Variants in CLCA4 observed in about 807,000 individuals in gnomAD.
The protein encoded by CLCA4 is calcium-activated chloride channel regulator 4.
Under a neutral mutation model 78.9 loss-of-function variants are expected in CLCA4, and 69 were observed. That is an observed-to-expected ratio of 0.87 (90% CI 0.72 to 1.07). CLCA4 has a LOEUF of 1.07. Among genes scored for constraint, CLCA4 ranks in the 50% least tolerant of loss-of-function variants. The pLI, the probability that CLCA4 is intolerant of heterozygous loss-of-function variation, is 0.00. For synonymous variants in CLCA4, 362 were observed against 375.8 expected (o/e 0.96, Z 0.42); for missense variants, 1,133 against 1,095.8 (o/e 1.03, Z -0.48).
intron 10 of CLCA4, 92 bp downstream of exon 10, chr1:86,574,847 A>G: frequency 1.1e-6 from 1 of 903,500 alleles, no homozygotes; most frequent in Admixed American, 2.2e-5. Flanking sequence ...CAAAGGCTGT[A>G]TCAACTTTAA....
At chr1:86,563,078 A>T (rs1439986445) in intron 3 of CLCA4, among the ~76,000 whole-genome samples, 1 of 151,840 alleles carries the variant, frequency 6.6e-6, no homozygotes, top group Admixed American at 6.6e-5. Flanking sequence ...TCCTTCTTTC[A>T]GCATCTCAAG....
chr1:86,562,241 C>T (rs920282276), intron 3 of CLCA4, among the ~76,000 whole-genome samples: 12 of 152,176 alleles, frequency 7.9e-5, no homozygotes, highest in Non-Finnish European at 1.2e-4. Flanking sequence ...AACCTGAGAA[C>T]GAATCAAGTC....
Position 86,565,795 on chromosome 1 carries a change from C to A in CLCA4, c.736-7C>A. 2 of 1,472,848 alleles carry A rather than the reference C, an allele frequency of 1.4e-6. No individual in the cohort carries two copies. Among genetic ancestry groups the A allele is most frequent in the South Asian group, 1.4e-5 (1 of 70,010 alleles). The allele number at this position is 1,472,848 out of a possible 1,614,324, so 91.2% of individuals were successfully genotyped here. ...TAAAATTATTTTTTATTTTATTAAC[C>A]TTTTAGGTTGTTGAATTTTGTAACG... On this transcript the variant is annotated splice_polypyrimidine_tract_variant and splice_region_variant and intron_variant, in intron 5 of 13. Transcript: ENST00000370563.
intron 1 of CLCA4, among the ~76,000 whole-genome samples, chr1:86,547,924 T>G (rs1649547039): frequency 6.6e-6 from 1 of 152,208 alleles, no homozygotes; most frequent in African/African-American, 2.4e-5. Context: ...ACAATAAACA[T>G]GGAAGTGCAG....
chr1:86,554,180 G>T (rs1280568246), intron 1 of CLCA4, among the ~76,000 whole-genome samples: 3 of 151,998 alleles, frequency 2.0e-5, no homozygotes, highest in African/African-American at 7.3e-5. Context: ...AGTGTCTCTT[G>T]TTCTCTTCTT....
chr1:86,576,022 G>A (rs1437177526), intron 11 of CLCA4, among the ~76,000 whole-genome samples: 1 of 152,062 alleles, frequency 6.6e-6, no homozygotes, highest in Non-Finnish European at 1.5e-5. Context: ...AACCTGGGAG[G>A]TGGAGGTTGC....
chr1:86,563,877 A>T, intron 4 of CLCA4, 108 bp downstream of exon 4: 2 of 539,224 alleles, frequency 3.7e-6, no homozygotes, highest in Non-Finnish European at 3.2e-6. Flanking sequence ...ATGTCACAAA[A>T]CAATGCTTTT....
intron 7 of CLCA4, among the ~76,000 whole-genome samples, chr1:86,569,864 T>C (rs1650296330): frequency 6.6e-6 from 1 of 151,954 alleles, no homozygotes; most frequent in Admixed American, 6.6e-5. Context: ...CCCAGCACGG[T>C]GACTGGCACA....
chr1:86,576,827 T>C (rs896621405), intron 11 of CLCA4, among the ~76,000 whole-genome samples: 5 of 152,032 alleles, frequency 3.3e-5, no homozygotes, highest in Non-Finnish European at 7.4e-5. Flanking sequence ...TTGGCCATTA[T>C]CTGTCTCCCT....
In CLCA4 at chr1:86,559,925, A is replaced by T; in HGVS notation, c.160-7A>T. 6.3e-7 allele frequency: 1 copy of T among 1,582,476 alleles called. No homozygotes were observed. Among genetic ancestry groups the T allele is most frequent in the Admixed American group, 2.0e-5 (1 of 50,036 alleles). ...CCATCCTCACATATTTTTTCCTTTA[A>T]TGACAGGATATGGTGACTACAGCTT... On this transcript the variant is annotated splice_polypyrimidine_tract_variant and splice_region_variant and intron_variant, in intron 1 of 13. Coordinates refer to ENST00000370563, the MANE Select transcript of CLCA4 (RefSeq NM_012128.4).
At chr1:86,558,162 C>A (rs1053590367) in intron 1 of CLCA4, among the ~76,000 whole-genome samples, 3 of 152,060 alleles carry the variant, frequency 2.0e-5, no homozygotes, top group African/African-American at 7.2e-5. Context: ...CACTCTGTGC[C>A]TTTTAAGTGG....
intron 10 of CLCA4, 125 bp downstream of exon 10, chr1:86,574,880 C>G: frequency 1.5e-6 from 1 of 688,966 alleles, no homozygotes; most frequent in Admixed American, 2.8e-5. Context: ...ATAGTATGTA[C>G]TTTCCATGCC....
At chr1:86,575,137 G>A (rs72955630) in intron 10 of CLCA4, among the ~76,000 whole-genome samples, 195 bp from the exon 11 acceptor site, 57 of 152,090 alleles carry the variant, frequency 3.7e-4, no homozygotes, top group African/African-American at 1.2e-3. Context: ...GAGATGTAGC[G>A]AAGTGTACAC....
chr1:86,552,094 T>C (rs1649681902), intron 1 of CLCA4, among the ~76,000 whole-genome samples: 1 of 152,120 alleles, frequency 6.6e-6, no homozygotes, highest in Non-Finnish European at 1.5e-5. Flanking sequence ...ACACACCAAC[T>C]ACAATTGTTC....
At chr1:86,579,066 G>C (rs893481594) in intron 12 of CLCA4, among the ~76,000 whole-genome samples, 20 of 151,936 alleles carry the variant, frequency 1.3e-4, no homozygotes, top group African/African-American at 4.8e-4. Context: ...AATTCAAGAG[G>C]TAAAGCAATT....
In CLCA4 at chr1:86,565,380, G is replaced by A. The variant is rs371872484; in HGVS notation, c.664G>A (p.Asp222Asn). The stretch of plus-strand genomic sequence containing the variant: ...TTCTACAACAAAACTGTATGGAAAA[G>A]ATTGTCAATTCTTTCCTGATAAAGT... The part of the protein sequence containing the change: ...IDSTTKLYGK[D>N]CQFFPDKVQT... The change falls in exon 5 of 14, where the codon GAT becomes AAT. Residue 222 changes from aspartate to asparagine, a missense_variant. Transcript: ENST00000370563. 7.3e-5 allele frequency: 118 copies of A among 1,608,604 alleles called. 1 individual carries two copies. The highest frequency in any genetic ancestry group is 9.8e-5 in the Non-Finnish European group (115 of 1,175,876).
intron 3 of CLCA4, among the ~76,000 whole-genome samples, chr1:86,562,414 A>G (rs1219505434): frequency 6.6e-6 from 1 of 152,186 alleles, no homozygotes; most frequent in African/African-American, 2.4e-5. Flanking sequence ...TGCATTATGT[A>G]GAAGAGTAAC....
rs750688779 is a variant in CLCA4 at position 86,565,384 on chromosome 1, G to T, written c.668G>T (p.Cys223Phe). ...ACAACAAAACTGTATGGAAAAGATT[G>T]TCAATTCTTTCCTGATAAAGTACAA... ...DSTTKLYGKD[C>F]QFFPDKVQTE... The change falls in exon 5 of 14, where the codon TGT becomes TTT. Residue 223 changes from cysteine (C) to phenylalanine (F), a missense_variant. Physicochemically the swap from Cys to Phe is radical, Grantham distance 205. Coordinates refer to ENST00000370563, the MANE Select transcript of CLCA4 (RefSeq NM_012128.4). 1 of 1,608,870 alleles carries T rather than the reference G, an allele frequency of 6.2e-7. No homozygotes were observed. The highest frequency in any genetic ancestry group is 1.1e-5 in the South Asian group (1 of 90,728).
In CLCA4 at chr1:86,577,978, A is replaced by T. The variant is rs374040263; in HGVS notation, c.2028A>T (p.Leu676Phe). The T allele has an allele frequency of 1.2e-6, 2 of 1,612,778 alleles. No individual in the cohort carries two copies. Among genetic ancestry groups the T allele is most frequent in the African/African-American group, 2.7e-5 (2 of 74,848 alleles). ...ATACAGAAAATGGCAGATATAGCTT[A>T]AAAGTTCGGGCTCATGGAGGAGCAA... ...TAYTENGRYS[L>F]KVRAHGGANT... The change falls in exon 12 of 14, where the codon TTA becomes TTT. Residue 676 changes from leucine (L) to phenylalanine (F), a missense_variant. Leu to Phe is a conservative substitution (Grantham distance 22). Transcript: ENST00000370563.
Sources: gnomAD v4.1 joint callset for allele counts (sites outside exome capture counted in the v4.1 genomes callset) on GRCh38, gnomAD v4.1.1 for gene constraint, MANE v1.5 for transcripts, NCBI Gene and HGNC (gene_info 2026-07-23, HGNC 2026-07-21) for gene names.